Variants in ARHGEF7 observed in about 807,000 individuals in gnomAD.
ARHGEF7 encodes PAK-interacting exchange factor beta.
Under a neutral mutation model 109.8 loss-of-function variants are expected in ARHGEF7, and 33 were observed. That is an observed-to-expected ratio of 0.30 (90% CI 0.23 to 0.40). ARHGEF7 has a LOEUF of 0.40. Among genes scored for constraint, ARHGEF7 ranks in the 10% least tolerant of loss-of-function variants. The probability of loss-of-function intolerance (pLI) is 1.00; values close to 1 mark genes in which losing one functional copy is unlikely to be tolerated. For synonymous variants in ARHGEF7, 458 were observed against 424.6 expected (o/e 1.08, Z -0.97); for missense variants, 938 against 1,098.5 (o/e 0.85, Z 2.07).
chr13:111,297,548 A>T (rs977434845), intron 19 of ARHGEF7, among the ~76,000 whole-genome samples: 2 of 152,250 alleles, frequency 1.3e-5, no homozygotes, highest in African/African-American at 4.8e-5. Context: ...CTGTTAAAAG[A>T]TATTTACAAA....
chr13:111,242,210 G>A (rs2087911273), intron 6 of ARHGEF7, among the ~76,000 whole-genome samples: 1 of 152,166 alleles, frequency 6.6e-6, no homozygotes. Context: ...CAGTGGAAGA[G>A]CCTCTGTTTT....
intron 5 of ARHGEF7, among the ~76,000 whole-genome samples, chr13:111,226,953 GGA>G (rs2085291706): frequency 6.6e-6 from 1 of 152,134 alleles, no homozygotes; most frequent in Non-Finnish European, 1.5e-5. Context: ...TAACCCTGAT[GGA>G]TGACCTTAGG....
intron 8 of ARHGEF7, among the ~76,000 whole-genome samples, chr13:111,247,767 A>G (rs924170450): frequency 2.6e-5 from 4 of 151,966 alleles, no homozygotes; most frequent in Non-Finnish European, 5.9e-5. Flanking sequence ...TCATTCACCC[A>G]TTGTTAATGG....
rs1020987236 is a variant in ARHGEF7, at chr13:111,145,506, T to C, written c.166-8399T>C. Among the ~76,000 whole-genome samples the C allele has an allele frequency of 6.6e-6, 1 of 152,166 alleles. No homozygotes were observed. The highest frequency in any genetic ancestry group is 6.5e-5 in the Admixed American group (1 of 15,286). ...AGGAGAGGCTGCCTGACAGGAGCCA[T>C]GGTCTTCCGCGAGTGGTGTGTTGGT... On this transcript the variant is annotated intron_variant, in intron 1 of 21. Coordinates refer to ENST00000646102, the MANE Select transcript of ARHGEF7 (RefSeq NM_001354046.2). The surrounding 1 kb of genome is among the most constrained non-coding windows in gnomAD (Gnocchi z 4.3).
rs534467964 is a variant in ARHGEF7, at chr13:111,227,214, A to G, written c.671-5991A>G. ...TTAGACTGTTGCAAAAAGTTAGTTG[A>G]TAAAGTGGTAGCAGGGTTTGAGAAG... is the stretch of plus-strand genomic sequence containing the variant. On this transcript the variant is annotated intron_variant, in intron 5 of 21. Coordinates refer to ENST00000646102, the MANE Select transcript of ARHGEF7 (RefSeq NM_001354046.2). 2.1e-3 allele frequency among the ~76,000 whole-genome samples: 324 copies of G among 152,390 alleles called. 1 individual carries two copies. Among genetic ancestry groups the G allele is most frequent in the African/African-American group, 7.4e-3 (307 of 41,600 alleles).
At chr13:111,139,056 C>G (rs1345363530) in intron 1 of ARHGEF7, among the ~76,000 whole-genome samples, 1 of 151,994 alleles carries the variant, frequency 6.6e-6, no homozygotes, top group Non-Finnish European at 1.5e-5. Flanking sequence ...AACATCTCGG[C>G]AAAGAAATAA....
intron 6 of ARHGEF7, among the ~76,000 whole-genome samples, chr13:111,236,584 T>C (rs1252608416): frequency 6.6e-6 from 1 of 152,244 alleles, no homozygotes; most frequent in Non-Finnish European, 1.5e-5. Context: ...TTTATTCTTG[T>C]TTTTATTTTT....
intron 2 of ARHGEF7, among the ~76,000 whole-genome samples, chr13:111,189,170 T>C (rs536858320): frequency 1.3e-5 from 2 of 152,234 alleles, no homozygotes; most frequent in African/African-American, 2.4e-5. Context: ...ACCAGGGTGC[T>C]TTCTTTCAGC....
At chr13:111,297,469 C>G (rs567313384) in intron 19 of ARHGEF7, among the ~76,000 whole-genome samples, 133 of 152,332 alleles carry the variant, frequency 8.7e-4, no homozygotes, top group South Asian at 1.5e-3. Context: ...GTAACCGTAC[C>G]AGTTCTTAGA....
chr13:111,205,186 T>TC (rs1284952989), intron 2 of ARHGEF7, 103 bp from the exon 3 acceptor site: 1 of 848,886 alleles, frequency 1.2e-6, no homozygotes, highest in Non-Finnish European at 1.8e-6. Flanking sequence ...GCGGTCTCCT[T>TC]AGGATTTCAG....
At chr13:111,278,380 C>A (rs987981621) in intron 13 of ARHGEF7, among the ~76,000 whole-genome samples, 1 of 152,236 alleles carries the variant, frequency 6.6e-6, no homozygotes, top group African/African-American at 2.4e-5. Flanking sequence ...ACTGGCCAGT[C>A]ACCACGTAAC....
At chr13:111,302,713 A>G (rs923722011) in intron 21 of ARHGEF7, among the ~76,000 whole-genome samples, 1 of 152,118 alleles carries the variant, frequency 6.6e-6, no homozygotes, top group Non-Finnish European at 1.5e-5. Context: ...GTTTCCAGCT[A>G]TTTTCTTACG....
chr13:111,232,026 G>A (rs2086124624), intron 5 of ARHGEF7, among the ~76,000 whole-genome samples: 1 of 152,134 alleles, frequency 6.6e-6, no homozygotes, highest in African/African-American at 2.4e-5. Flanking sequence ...ACCAATGTTA[G>A]ATATACAGAA....
intron 2 of ARHGEF7, among the ~76,000 whole-genome samples, chr13:111,173,221 C>A (rs1745842595): frequency 6.6e-6 from 1 of 152,198 alleles, no homozygotes; most frequent in African/African-American, 2.4e-5. Context: ...TGGGCAGAAA[C>A]AGCCTAGCCA....
chr13:111,299,337 A>ATTTTTT lies in ARHGEF7; in HGVS notation c.2312-1393_2312-1388dup, dbSNP rs936360326. ...CAGTAAAATGCTGGTGAAGCCATTC[A>ATTTTTT]TTTTTTTTTTTTTTTTTTTTTTTGA... On this transcript the variant is annotated intron_variant, in intron 19 of 21. Coordinates refer to ENST00000646102, the MANE Select transcript of ARHGEF7 (RefSeq NM_001354046.2). Among the ~76,000 whole-genome samples the ATTTTTT allele has an allele frequency of 3.1e-4, 33 of 106,086 alleles. 1 individual carries two copies. Among genetic ancestry groups the ATTTTTT allele is most frequent in the Non-Finnish European group, 3.5e-4 (19 of 54,194 alleles). 69.6% of individuals were successfully genotyped at this position (106,086 alleles called of 152,430 possible).
intron 2 of ARHGEF7, among the ~76,000 whole-genome samples, chr13:111,164,210 T>C (rs2076954470): frequency 6.6e-6 from 1 of 152,230 alleles, no homozygotes; most frequent in South Asian, 2.1e-4. Context: ...GTTCCCCACT[T>C]AGCAGATCAG....
chr13:111,300,227 A>C (rs781043727), intron 19 of ARHGEF7, among the ~76,000 whole-genome samples: 1 of 152,210 alleles, frequency 6.6e-6, no homozygotes, highest in African/African-American at 2.4e-5. Context: ...GGAAATATAA[A>C]GTTTTCATAA....
chr13:111,179,596 A>G (rs1566727837), intron 2 of ARHGEF7, among the ~76,000 whole-genome samples: 1 of 152,212 alleles, frequency 6.6e-6, no homozygotes, highest in Non-Finnish European at 1.5e-5. Flanking sequence ...ATATTCAGAT[A>G]TCTCTGGTGG....
intron 1 of ARHGEF7, among the ~76,000 whole-genome samples, chr13:111,132,945 CAT>C (rs2074842523): frequency 6.6e-6 from 1 of 151,910 alleles, no homozygotes; most frequent in Non-Finnish European, 1.5e-5. Flanking sequence ...AGTACACACA[CAT>C]CTATGCATAT....
Sources: allele counts gnomAD v4.1 joint callset (sites outside exome capture counted in the v4.1 genomes callset), GRCh38; gene constraint gnomAD v4.1.1; non-coding constraint Gnocchi (gnomAD v3.1); transcripts MANE v1.5; gene names NCBI Gene and HGNC (gene_info 2026-07-23, HGNC 2026-07-21).